The following HBS1L variants were observed in gnomAD, a reference collection of about 807,000 sequenced individuals.
HBS1L encodes HBS1 like translational GTPase.
A neutral mutation model predicts 88.9 loss-of-function variants in HBS1L; 55 were observed. The observed-to-expected ratio is 0.62, with a 90% CI of 0.50 to 0.77. The LOEUF is 0.77. HBS1L is among the 30% of genes least tolerant of loss of function. The pLI, the probability that HBS1L is intolerant of heterozygous loss-of-function variation, is 0.00. For missense variants in HBS1L, 741 were observed against 829.3 expected (o/e 0.89, Z 1.31); for synonymous variants, 267 against 288.5 (o/e 0.93, Z 0.76).
chr6:135,002,627 A>G (rs966648971), intron 5 of HBS1L, 107 bp downstream of exon 5: 1 of 665,174 alleles, frequency 1.5e-6, no homozygotes, highest in African/African-American at 1.8e-5. Context: ...CTTCAGTGCT[A>G]ATGATATATT....
chr6:135,031,960 A>G (rs960760769), intron 4 of HBS1L, among the ~76,000 whole-genome samples: 1 of 151,386 alleles, frequency 6.6e-6, no homozygotes, highest in South Asian at 2.1e-4. Context: ...ACATGCCACC[A>G]TACCCAGCTT....
chr6:135,044,954 C>T (rs972240160), intron 2 of HBS1L, among the ~76,000 whole-genome samples: 1 of 152,022 alleles, frequency 6.6e-6, no homozygotes, highest in African/African-American at 2.4e-5. Flanking sequence ...GTGGTGGGGT[C>T]GAGGGTGGTC....
chr6:135,028,265 A>T lies in HBS1L; in HGVS notation c.430+11308T>A, dbSNP rs541386572. ...AGAAAAAAACAAATTGCAAGGTAAT[A>T]AAAAAAAAAAAAATGCTGGGCAGAG... On this transcript the variant is annotated intron_variant, in intron 4 of 17. Transcript: ENST00000367837. Among the ~76,000 whole-genome samples the T allele has an allele frequency of 4.4e-4, 22 of 50,346 alleles. No homozygotes were observed. In the South Asian group the frequency reaches 7.5e-3, roughly 17 times the overall value. 33.0% of individuals were successfully genotyped at this position (50,346 alleles called of 152,430 possible). A position where few individuals can be genotyped will look rare whatever the true frequency, so the allele number is the denominator to read the frequency against.
At chr6:135,024,788 C>T (rs1200842813) in intron 4 of HBS1L, among the ~76,000 whole-genome samples, 3 of 151,844 alleles carry the variant, frequency 2.0e-5, no homozygotes, top group African/African-American at 7.3e-5. Flanking sequence ...GAAGTTAGTT[C>T]TAATTTATTA....
intron 1 of HBS1L, among the ~76,000 whole-genome samples, chr6:135,053,408 G>T (rs1024674856): frequency 3.3e-5 from 5 of 152,114 alleles, no homozygotes; most frequent in African/African-American, 9.7e-5. Context: ...TTGAGGAAAT[G>T]ATAAACAACT....
At chr6:134,978,259 C>T (rs1293106207) in intron 15 of HBS1L, among the ~76,000 whole-genome samples, 3 of 151,886 alleles carry the variant, frequency 2.0e-5, no homozygotes, top group African/African-American at 7.2e-5. Flanking sequence ...ATTTTCTATG[C>T]AATCTATAAC....
Position 135,037,491 on chromosome 6 carries a change from A to T in HBS1L, c.430+2082T>A, listed in dbSNP as rs1471128708. 5.2e-6 allele frequency: 8 copies of T among 1,549,262 alleles called. No homozygotes were observed. In the South Asian group the frequency reaches 8.4e-5, roughly 16 times the overall value. ...CCAACGAGCTAGTTAAGTACAAAGGATTATTTGAACTTCCTAAACTGTCCT... is the reference window on the plus strand; with the variant it reads ...CCAACGAGCTAGTTAAGTACAAAGGTTTATTTGAACTTCCTAAACTGTCCT... On this transcript the variant is annotated intron_variant, in intron 4 of 17. Transcript: ENST00000367837.
intron 15 of HBS1L, among the ~76,000 whole-genome samples, chr6:134,971,858 A>C (rs539817702): frequency 6.6e-6 from 1 of 152,298 alleles, no homozygotes; most frequent in African/African-American, 2.4e-5. Context: ...AACCATACTA[A>C]TACAGGTCCA....
chr6:135,051,260 T>C (rs938918653), intron 1 of HBS1L, among the ~76,000 whole-genome samples: 1 of 151,966 alleles, frequency 6.6e-6, no homozygotes, highest in Admixed American at 6.6e-5. Context: ...AAAAAAATAC[T>C]TAGTCTCTCC....
intron 15 of HBS1L, among the ~76,000 whole-genome samples, chr6:134,977,772 T>C (rs112410882): frequency 7.9e-5 from 12 of 152,066 alleles, no homozygotes; most frequent in African/African-American, 1.9e-4. Context: ...GAGAAACATT[T>C]ATTGTCATGC....
chr6:135,022,819 T>C (rs948828284), intron 4 of HBS1L, among the ~76,000 whole-genome samples: 1 of 152,066 alleles, frequency 6.6e-6, no homozygotes, highest in Non-Finnish European at 1.5e-5. Context: ...TTTAGTAGTA[T>C]TCATAATATC....
At chr6:134,983,633 A>AT in intron 12 of HBS1L, 1 of 152,118 alleles carries the variant, frequency 6.6e-6, no homozygotes, top group Non-Finnish European at 1.5e-5. Context: ...CCCCTAAAAG[A>AT]ACACTCTCCC....
chr6:135,047,582 C>T (rs1344790942), intron 2 of HBS1L, among the ~76,000 whole-genome samples: 29 of 152,330 alleles, frequency 1.9e-4, no homozygotes, highest in Non-Finnish European at 1.5e-5. Flanking sequence ...CTAACAAACT[C>T]TCAAGCGATG....
At chr6:134,990,952 C>G (rs767402106) in intron 8 of HBS1L, among the ~76,000 whole-genome samples, 5 of 152,010 alleles carry the variant, frequency 3.3e-5, no homozygotes, top group Admixed American at 6.6e-5. Context: ...GCCCATTAAA[C>G]TATCAGTGCT....
At chr6:134,990,862 G>A (rs1157951811) in intron 8 of HBS1L, among the ~76,000 whole-genome samples, 4 of 151,990 alleles carry the variant, frequency 2.6e-5, no homozygotes, top group Admixed American at 1.3e-4. Context: ...TGGAATAAAC[G>A]ATCTTTATAA....
At chr6:134,999,023 T>A (rs758433051) in intron 5 of HBS1L, among the ~76,000 whole-genome samples, 3 of 152,166 alleles carry the variant, frequency 2.0e-5, no homozygotes, top group Non-Finnish European at 2.9e-5. Context: ...CACAGCTAGT[T>A]CTAAAACCAA....
chr6:135,036,446 C>T (rs1462828168), intron 4 of HBS1L: 14 of 1,365,118 alleles, frequency 1.0e-5, no homozygotes, highest in South Asian at 8.1e-5. Flanking sequence ...AACTGACCTA[C>T]GACAATTTTC....
intron 4 of HBS1L, among the ~76,000 whole-genome samples, chr6:135,018,351 C>T (rs1775980373): frequency 6.6e-6 from 1 of 152,022 alleles, no homozygotes; most frequent in Non-Finnish European, 1.5e-5. Context: ...TATAGCATAA[C>T]TTGCCTCATC....
chr6:135,025,222 A>C (rs188479649), intron 4 of HBS1L, among the ~76,000 whole-genome samples: 4 of 152,350 alleles, frequency 2.6e-5, no homozygotes, highest in Admixed American at 2.0e-4. Context: ...GGAAACAGTC[A>C]TAACACCAAA....
Sources: allele counts gnomAD v4.1 joint callset (sites outside exome capture counted in the v4.1 genomes callset), GRCh38; gene constraint gnomAD v4.1.1; transcripts MANE v1.5; gene names NCBI Gene and HGNC (gene_info 2026-07-23, HGNC 2026-07-21).